GOLM1: variants seen among roughly 807,000 people sequenced by gnomAD.
The protein encoded by GOLM1 is golgi membrane protein 1, also known as epididymis luminal protein 46.
GOLM1 carries 31 observed loss-of-function variants against 50.5 expected under a neutral mutation model. The observed-to-expected ratio is 0.61, with a 90% CI of 0.46 to 0.83. GOLM1 has a LOEUF of 0.83. GOLM1 is among the 40% of genes least tolerant of loss of function. The pLI, the probability that GOLM1 is intolerant of heterozygous loss-of-function variation, is 0.00. For missense variants in GOLM1, 491 were observed against 501.3 expected, an observed-to-expected ratio of 0.98 and a Z score of 0.20; for synonymous variants, 178 against 192.8, an observed-to-expected ratio of 0.92 and a Z score of 0.64.
chr9:86,030,918 TAAAAG>T (rs1418550696), intron 9 of GOLM1, among the ~76,000 whole-genome samples: 3 of 152,136 alleles, frequency 2.0e-5, no homozygotes, highest in Non-Finnish European at 4.4e-5. Flanking sequence ...CAGATGGTAA[TAAAAG>T]AAGGTATTGT....
rs1052209860 is a variant in GOLM1, at chr9:86,099,487, C to CGCCGGCCTCGAGCTCCG, written c.-115_-99dup. The stretch of plus-strand genomic sequence containing the variant: ...GCCGCCCGGGTCGCTCTCCCGCCGC[C>CGCCGGCCTCGAGCTCCG]GCCGGCCTCGAGCTCCGGCCGGCTC... On this transcript the variant is annotated 5_prime_UTR_variant, in exon 1 of 10. Transcript: ENST00000388712. 6.7e-5 allele frequency: 10 copies of CGCCGGCCTCGAGCTCCG among 150,072 alleles called. No individual in the cohort carries two copies. The highest frequency in any genetic ancestry group is 2.2e-4 in the African/African-American group (9 of 40,706). 9.3% of individuals were successfully genotyped at this position (150,072 alleles called of 1,614,324 possible).
At chr9:86,035,016 C>T (rs1833089808) in intron 8 of GOLM1, 1 of 985,172 alleles carries the variant, frequency 1.0e-6, no homozygotes, top group African/African-American at 1.7e-5. Context: ...CTAAATGGCA[C>T]CAGACACTGC....
intron 3 of GOLM1, among the ~76,000 whole-genome samples, chr9:86,063,944 T>C (rs1834234229): frequency 6.6e-6 from 1 of 152,220 alleles, no homozygotes; most frequent in African/African-American, 2.4e-5. Flanking sequence ...CAACCTCACA[T>C]TGCACGACAA....
In GOLM1 at chr9:86,036,455, T is replaced by C. The variant is rs2297002; in HGVS notation, c.650A>G (p.His217Arg). 0.045 allele frequency: 71,928 copies of C among 1,614,006 alleles called. 10,567 individuals are homozygous for C. The highest frequency in any genetic ancestry group is 0.4 in the East Asian group (17,851 of 44,856). Residue 217 changes from histidine (H) to arginine (R), a missense_variant, in exon 7 of 10, where the codon CAC becomes CGC. Physicochemically the swap from His to Arg is conservative, Grantham distance 29. Transcript: ENST00000388712. ...TCCCTTCCCTTGTGGCACCTCTGTGTGTGGCAGGCCTGCTGCCTGCAGCCT... is the reference window on the plus strand; with the variant it reads ...TCCCTTCCCTTGTGGCACCTCTGTGCGTGGCAGGCCTGCTGCCTGCAGCCT... ...QPRLQAAGLP[H>R]TEVPQGKGNV...
chr9:86,033,302 C>T lies in GOLM1; in HGVS notation c.1109G>A (p.Gly370Glu), dbSNP rs142242230. Residue 370 changes from glycine to glutamate, a missense_variant, in exon 9 of 10, where the codon GGG becomes GAG. Gly to Glu is a moderately conservative substitution (Grantham distance 98, BLOSUM62 -2). Transcript: ENST00000388712. ...CTTACCATCTATGTTTCTGTCATTC[C>T]CTGCCAGGGCTGCTTGCTTGTCTGT... ...SETDKQAALAGNDRNIDVFNV... is the reference protein window; with the variant it reads ...SETDKQAALAENDRNIDVFNV... 10,437 of 1,606,654 alleles carry T rather than the reference C, an allele frequency of 6.5e-3. 44 individuals are homozygous for T. The highest frequency in any genetic ancestry group is 8.0e-3 in the Non-Finnish European group (9,367 of 1,173,160).
intron 7 of GOLM1, 68 bp from the exon 8 acceptor site, chr9:86,035,693 A>AAC: frequency 1.8e-6 from 2 of 1,138,574 alleles, no homozygotes; most frequent in African/African-American, 1.5e-5. Flanking sequence ...AAAAAAAAAA[A>AAC]GCAAAACCTG....
Position 86,027,751 on chromosome 9 carries a change from G to GTCCC in GOLM1, c.*62_*65dup. On this transcript the variant is annotated 3_prime_UTR_variant, in exon 10 of 10. Transcript: ENST00000388712. ...TACATTTCACAGTTTTCAGTATTCA[G>GTCCC]TCCCTCATGAACATTTTATAGTCAT... is the stretch of plus-strand genomic sequence containing the variant. 6.4e-7 allele frequency: 1 copy of GTCCC among 1,564,640 alleles called. No homozygotes were observed. The highest frequency in any genetic ancestry group is 8.6e-7 in the Non-Finnish European group (1 of 1,156,700).
rs58193076 is a variant in GOLM1 at position 86,076,421 on chromosome 9, C to CAAAAA, written c.309+986_309+990dup. 3.0e-3 allele frequency among the ~76,000 whole-genome samples: 69 copies of CAAAAA among 23,332 alleles called. 2 individuals are homozygous for CAAAAA. Among genetic ancestry groups the CAAAAA allele is most frequent in the East Asian group, 0.01 (9 of 888 alleles). The allele number at this position is 23,332 out of a possible 152,430, so 15.3% of individuals were successfully genotyped here. On this transcript the variant is annotated intron_variant, in intron 3 of 9. Transcript: ENST00000388712. ...GGACAACAAGAGGGAAACCCCATCT[C>CAAAAA]AAAAAAAAAAAAAAAAAAAAAAAAA...
At chr9:86,054,106 G>A (rs1192958016) in intron 3 of GOLM1, among the ~76,000 whole-genome samples, 1 of 152,166 alleles carries the variant, frequency 6.6e-6, no homozygotes, top group African/African-American at 2.4e-5. Context: ...AAAGTCAACA[G>A]TAGAGGAGGA....
intron 2 of GOLM1, among the ~76,000 whole-genome samples, chr9:86,078,974 T>C (rs377139066): frequency 3.9e-5 from 6 of 151,936 alleles, no homozygotes; most frequent in African/African-American, 1.5e-4. Context: ...ACAACCGCAA[T>C]CCTACACAAC....
intron 3 of GOLM1, among the ~76,000 whole-genome samples, chr9:86,053,343 C>T (rs371379704): frequency 0.031 from 3,751 of 121,196 alleles, 103 homozygotes; most frequent in African/African-American, 0.079. Flanking sequence ...TACACCACGC[C>T]ACAACTCCAC....
rs762787657 is a variant in GOLM1 at position 86,035,363 on chromosome 9, C to G, written c.1015+5G>C. On this transcript the variant is annotated splice_donor_5th_base_variant and intron_variant, in intron 8 of 9. Coordinates refer to ENST00000388712, the MANE Select transcript of GOLM1 (RefSeq NM_016548.4). Reference sequence around the variant, plus strand: ...CCACAGCGGCCCCCGAAACTTCACACCCACCTTCCCCGGCAGCTTCCTGCT... The same window carrying G: ...CCACAGCGGCCCCCGAAACTTCACAGCCACCTTCCCCGGCAGCTTCCTGCT... 10 of 1,612,332 alleles carry G rather than the reference C, an allele frequency of 6.2e-6. No homozygotes were observed. The African/African-American group carries it at 1.3e-4, about 22-fold the overall frequency.
chr9:86,049,102 GT>G (rs958041734), intron 4 of GOLM1, among the ~76,000 whole-genome samples: 9 of 152,210 alleles, frequency 5.9e-5, no homozygotes, highest in Non-Finnish European at 1.3e-4. Context: ...TGGATAGCCA[GT>G]TTTCCCAGCA....
intron 1 of GOLM1, among the ~76,000 whole-genome samples, chr9:86,086,598 A>C (rs1473996945): frequency 2.0e-5 from 3 of 152,186 alleles, no homozygotes; most frequent in Non-Finnish European, 4.4e-5. Context: ...CTTACGTTTA[A>C]GTCTTTAATC....
intron 1 of GOLM1, among the ~76,000 whole-genome samples, chr9:86,094,045 G>C (rs1471919997): frequency 6.6e-6 from 1 of 152,242 alleles, no homozygotes; most frequent in Non-Finnish European, 1.5e-5. Context: ...GCAGCCTGGA[G>C]TCCGGGAAAG....
At chr9:86,056,491 AT>A (rs1266505487) in intron 3 of GOLM1, among the ~76,000 whole-genome samples, 1 of 145,632 alleles carries the variant, frequency 6.9e-6, no homozygotes, top group Admixed American at 7.0e-5. Flanking sequence ...ATTTTTATTT[AT>A]TTTTTATTTA....
At chr9:86,041,069 A>G (rs1833329573) in intron 5 of GOLM1, among the ~76,000 whole-genome samples, 1 of 152,176 alleles carries the variant, frequency 6.6e-6, no homozygotes, top group Admixed American at 6.5e-5. Flanking sequence ...TCATCATCCC[A>G]TTGTTCTAAA....
intron 3 of GOLM1, among the ~76,000 whole-genome samples, chr9:86,060,316 C>A (rs534956569): frequency 6.6e-6 from 1 of 151,842 alleles, no homozygotes; most frequent in Non-Finnish European, 1.5e-5. Context: ...ACAGGGAAAG[C>A]GGGGAGAGGG....
intron 5 of GOLM1, among the ~76,000 whole-genome samples, chr9:86,042,878 GT>G (rs1222976975): frequency 6.6e-6 from 1 of 152,168 alleles, no homozygotes; most frequent in African/African-American, 2.4e-5. Context: ...TGAGACAAAG[GT>G]CATGCAGATT....
Sources: gnomAD v4.1 joint callset for allele counts (sites outside exome capture counted in the v4.1 genomes callset) on GRCh38, gnomAD v4.1.1 for gene constraint, MANE v1.5 for transcripts, NCBI Gene and HGNC (gene_info 2026-07-23, HGNC 2026-07-21) for gene names.